CSMD1: variants seen among roughly 807,000 people sequenced by gnomAD.
CSMD1 encodes the protein CUB and sushi domain-containing protein 1.
In CSMD1, 213 loss-of-function variants were observed where a neutral mutation model predicts 417.5. That is an observed-to-expected ratio of 0.51 (90% confidence interval 0.46 to 0.57). The LOEUF (loss-of-function observed/expected upper bound fraction) is 0.57. Ranked by LOEUF, CSMD1 falls within the 20% of genes least tolerant of loss-of-function variation. The pLI is 0.00. For synonymous variants in CSMD1, 2,862 were observed against 1,736.8 expected (o/e 1.65, Z -16.11); for missense variants, 6,923 against 4,529.7 (o/e 1.53, Z -15.17).
intron 10 of CSMD1, among the ~76,000 whole-genome samples, chr8:3,560,645 T>A (rs1799429541): frequency 6.6e-6 from 1 of 152,202 alleles, no homozygotes; most frequent in Non-Finnish European, 1.5e-5. Context: ...TATAAAAACC[T>A]AGATATTTCT....
At chr8:3,101,339 G>C (rs1373870652) in intron 46 of CSMD1, among the ~76,000 whole-genome samples, 1 of 152,128 alleles carries the variant, frequency 6.6e-6, no homozygotes, top group African/African-American at 2.4e-5. Flanking sequence ...TCCTTAACAG[G>C]AGAAAAGCCA....
chr8:3,472,435 G>A (rs1245628926), intron 11 of CSMD1, among the ~76,000 whole-genome samples: 1 of 152,036 alleles, frequency 6.6e-6, no homozygotes, highest in Non-Finnish European at 1.5e-5. Flanking sequence ...CTGCTATTCT[G>A]TCTTTCCAGC....
intron 3 of CSMD1, among the ~76,000 whole-genome samples, chr8:4,150,139 A>C (rs1235795611): frequency 6.6e-6 from 1 of 152,192 alleles, no homozygotes; most frequent in Non-Finnish European, 1.5e-5. Flanking sequence ...TAAGGAATAA[A>C]CTGTGATATC....
intron 2 of CSMD1, among the ~76,000 whole-genome samples, chr8:4,535,932 T>C (rs915136598): frequency 1.3e-5 from 2 of 152,216 alleles, no homozygotes; most frequent in Non-Finnish European, 2.9e-5. Context: ...ATAATAAGAA[T>C]TGAGAAACTT....
chr8:4,981,427 G>C (rs1489242600), intron 1 of CSMD1, among the ~76,000 whole-genome samples: 1 of 152,180 alleles, frequency 6.6e-6, no homozygotes, highest in African/African-American at 2.4e-5. Flanking sequence ...TCCAACAAGA[G>C]TATAAGGGAG....
At chr8:4,718,777 C>T (rs1461356046) in intron 1 of CSMD1, among the ~76,000 whole-genome samples, 1 of 151,588 alleles carries the variant, frequency 6.6e-6, no homozygotes, top group South Asian at 2.1e-4. Flanking sequence ...CTTTTTAAAG[C>T]AATAGAAACT....
At chr8:4,098,440 C>T (rs1044265615) in intron 3 of CSMD1, among the ~76,000 whole-genome samples, 22 of 151,942 alleles carry the variant, frequency 1.4e-4, no homozygotes, top group African/African-American at 5.3e-4. Flanking sequence ...ATATGTGCAA[C>T]ATGCATCAGA....
intron 3 of CSMD1, among the ~76,000 whole-genome samples, chr8:4,300,676 T>C (rs555282580): frequency 6.6e-6 from 1 of 152,240 alleles, no homozygotes; most frequent in East Asian, 1.9e-4. Flanking sequence ...TAATGCTATC[T>C]CTCCACACTC....
At chr8:3,149,577 A>G (rs965280532) in intron 40 of CSMD1, among the ~76,000 whole-genome samples, 4 of 152,190 alleles carry the variant, frequency 2.6e-5, no homozygotes, top group Non-Finnish European at 5.9e-5. Context: ...TCCCGGGTTC[A>G]AGCGATTCTC....
chr8:3,682,463 A>G (rs1799715295), intron 7 of CSMD1, among the ~76,000 whole-genome samples: 1 of 152,226 alleles, frequency 6.6e-6, no homozygotes, highest in South Asian at 2.1e-4. Context: ...ACCGGCCATC[A>G]GAGAAATGCA....
chr8:3,786,645 C>G (rs117284285), intron 5 of CSMD1, among the ~76,000 whole-genome samples: 2 of 152,096 alleles, frequency 1.3e-5, no homozygotes, highest in Non-Finnish European at 2.9e-5. Flanking sequence ...TTAGTTCACT[C>G]GAGATGCTAT....
chr8:4,200,815 G>A (rs1799602720), intron 3 of CSMD1, among the ~76,000 whole-genome samples: 1 of 152,258 alleles, frequency 6.6e-6, no homozygotes, highest in African/African-American at 2.4e-5. Context: ...CTATTGTTAG[G>A]CCACTGCACT....
At chr8:3,564,760 A>C (rs979010870) in intron 10 of CSMD1, among the ~76,000 whole-genome samples, 1 of 152,098 alleles carries the variant, frequency 6.6e-6, no homozygotes, top group Non-Finnish European at 1.5e-5. Flanking sequence ...AAACCCAAAA[A>C]ACCACAATCG....
At chr8:3,955,717 T>C (rs917024976) in intron 5 of CSMD1, among the ~76,000 whole-genome samples, 3 of 148,738 alleles carry the variant, frequency 2.0e-5, no homozygotes, top group Admixed American at 1.4e-4. Context: ...ACAAAGATTC[T>C]TCGAGAACTG....
chr8:4,640,774 T>C (rs1803138504), intron 1 of CSMD1, among the ~76,000 whole-genome samples: 1 of 150,686 alleles, frequency 6.6e-6, no homozygotes. Context: ...TTCAGGGCAA[T>C]AAAATAATCG....
chr8:3,672,934 C>A (rs1799155582), intron 7 of CSMD1, among the ~76,000 whole-genome samples: 1 of 152,158 alleles, frequency 6.6e-6, no homozygotes, highest in Non-Finnish European at 1.5e-5. Flanking sequence ...CTCTTCACCC[C>A]AAGGAGAATC....
chr8:3,780,754 G>C (rs1205421187), intron 5 of CSMD1, among the ~76,000 whole-genome samples: 1 of 152,042 alleles, frequency 6.6e-6, no homozygotes, highest in African/African-American at 2.4e-5. Context: ...TAATCTCTTG[G>C]GTGACATTCT....
At chr8:4,630,728 A>T (rs1241499002) in intron 2 of CSMD1, among the ~76,000 whole-genome samples, 1 of 152,094 alleles carries the variant, frequency 6.6e-6, no homozygotes, top group Non-Finnish European at 1.5e-5. Context: ...GCCCTCACTA[A>T]GGTACAATAA....
intron 3 of CSMD1, among the ~76,000 whole-genome samples, chr8:4,066,405 T>C (rs1386001475): frequency 6.6e-6 from 1 of 151,650 alleles, no homozygotes; most frequent in Non-Finnish European, 1.5e-5. Flanking sequence ...GTCCTCTTAA[T>C]TTTACAGAAC....
Sources: allele counts gnomAD v4.1 joint callset (sites outside exome capture counted in the v4.1 genomes callset), GRCh38; gene constraint gnomAD v4.1.1; transcripts MANE v1.5; gene names NCBI Gene and HGNC (gene_info 2026-07-23, HGNC 2026-07-21).